Variants in DCDC1 observed in about 807,000 individuals in gnomAD.
DCDC1 encodes doublecortin domain containing 1, also known as doublecortin domain-containing protein 1.
In DCDC1, 200 loss-of-function variants were observed where a neutral mutation model predicts 178.3. That is an observed-to-expected ratio of 1.12 (90% CI 1.00 to 1.26). The LOEUF (loss-of-function observed/expected upper bound fraction) is 1.26, where lower values mean the gene tolerates loss of function less well. Ranked by LOEUF, DCDC1 falls within the 50% of genes most tolerant of loss-of-function variation. DCDC1 has a pLI of 0.00. For synonymous variants in DCDC1, 690 were observed against 604.8 expected, an observed-to-expected ratio of 1.14 and a Z score of -2.07; for missense variants, 1,983 against 1,749.2, an observed-to-expected ratio of 1.13 and a Z score of -2.38.
At chr11:31,248,987 A>G (rs886200625) in intron 8 of DCDC1, among the ~76,000 whole-genome samples, 1 of 152,138 alleles carries the variant, frequency 6.6e-6, no homozygotes, top group African/African-American at 2.4e-5. Flanking sequence ...TTCATAATAA[A>G]CTTCTGGGAT....
At chr11:31,145,370 G>A (rs1360515188) in intron 9 of DCDC1, among the ~76,000 whole-genome samples, 2 of 152,150 alleles carry the variant, frequency 1.3e-5, no homozygotes, top group African/African-American at 2.4e-5. Flanking sequence ...AGATAGGAAC[G>A]AGTGCGTTGA....
At chr11:30,946,224 T>C (rs1278026336) in intron 21 of DCDC1, among the ~76,000 whole-genome samples, 2 of 152,176 alleles carry the variant, frequency 1.3e-5, no homozygotes, top group Non-Finnish European at 2.9e-5. Flanking sequence ...TGGCACCTGC[T>C]TACCACCAGC....
rs1565030639 is a variant in DCDC1 at position 30,888,163 on chromosome 11, G to GA, written c.5082+4654_5082+4655insT. On this transcript the variant is annotated intron_variant, in intron 36 of 38. Transcript: ENST00000684477. ...GAAAGAAAGAAAGAAAGAAAGAAAG[G>GA]GAAAGAAAGAAAGAGAAAGGAAGGA... Among the ~76,000 whole-genome samples, 20 of 97,974 alleles carry GA rather than the reference G, an allele frequency of 2.0e-4. 1 individual carries two copies. Among genetic ancestry groups the GA allele is most frequent in the African/African-American group, 8.2e-4 (19 of 23,132 alleles). 64.3% of individuals were successfully genotyped at this position (97,974 alleles called of 152,430 possible).
intron 18 of DCDC1, among the ~76,000 whole-genome samples, chr11:31,066,267 T>A (rs1294370069): frequency 6.6e-6 from 1 of 152,174 alleles, no homozygotes; most frequent in East Asian, 1.9e-4. Flanking sequence ...ATTTCCCACA[T>A]AACAATAAAT....
In DCDC1 at chr11:31,290,629, T is replaced by C; in HGVS notation, c.960+18A>G. The C allele has an allele frequency of 6.3e-7, 1 of 1,589,792 alleles. No individual in the cohort carries two copies. The highest frequency in any genetic ancestry group is 8.5e-7 in the Non-Finnish European group (1 of 1,170,836). On this transcript the variant is annotated intron_variant, in intron 7 of 38. Transcript: ENST00000684477. ...CTTTGAAATTAAATTCATAGTTCAA[T>C]ATTTAATTAAAAATTACCTTTTTCA...
At chr11:31,355,507 T>G (rs934111152) in intron 1 of DCDC1, among the ~76,000 whole-genome samples, 26 of 152,122 alleles carry the variant, frequency 1.7e-4, no homozygotes, top group African/African-American at 6.0e-4. Flanking sequence ...AAATAATAAT[T>G]TAGATATCTT....
Position 31,328,245 on chromosome 11 carries a change from T to C in DCDC1, c.36A>G (p.Ala12=). 6.3e-7 allele frequency: 1 copy of C among 1,595,038 alleles called. No homozygotes were observed. The highest frequency in any genetic ancestry group is 8.6e-7 in the Non-Finnish European group (1 of 1,167,966). ...AKTGAEDHRE[A]LSQSSLSLLT... is the part of the protein sequence containing the mutation. ...AGAGGGATAAGGAAGACTGAGATAGTGCTTCTCTGTGATCTTCTGCTCCTG... is the reference window on the plus strand; with the variant it reads ...AGAGGGATAAGGAAGACTGAGATAGCGCTTCTCTGTGATCTTCTGCTCCTG... Residue 12 remains alanine, a synonymous_variant, in exon 3 of 39, where the codon GCA becomes GCG. Transcript: ENST00000684477.
At chr11:31,022,440 T>C (rs1952935244) in intron 20 of DCDC1, among the ~76,000 whole-genome samples, 1 of 152,106 alleles carries the variant, frequency 6.6e-6, no homozygotes, top group Admixed American at 6.6e-5. Context: ...CATCTTAAAT[T>C]GATTATATCT....
Position 30,920,779 on chromosome 11 carries a change from A to G in DCDC1, c.3290T>C (p.Ile1097Thr). The change falls in exon 25 of 39, where the codon ATT becomes ACT. Residue 1097 changes from isoleucine (I) to threonine (T), a missense_variant. Physicochemically the swap from Ile to Thr is moderately conservative, Grantham distance 89. Transcript: ENST00000684477. The part of the protein sequence containing the change: ...PLTTENASSE[I>T]LDSHVRAHLR... ...TCAGGCTACACTGATTACTTACAGAATTTCACTGGAAGCATTTTCCGTTGT... is the reference window on the plus strand; with the variant it reads ...TCAGGCTACACTGATTACTTACAGAGTTTCACTGGAAGCATTTTCCGTTGT... The G allele has an allele frequency of 6.2e-7, 1 of 1,613,370 alleles. No individual in the cohort carries two copies. The highest frequency in any genetic ancestry group is 8.5e-7 in the Non-Finnish European group (1 of 1,179,614).
At chr11:31,048,771 G>A (rs1331258350) in intron 20 of DCDC1, among the ~76,000 whole-genome samples, 3 of 152,108 alleles carry the variant, frequency 2.0e-5, no homozygotes, top group African/African-American at 2.4e-5. Flanking sequence ...GCAGGAGAAC[G>A]GCGTGAACCC....
chr11:30,895,823 C>T (rs536648924), intron 34 of DCDC1, among the ~76,000 whole-genome samples: 2 of 152,130 alleles, frequency 1.3e-5, no homozygotes, highest in African/African-American at 2.4e-5. Context: ...AGTTTTTACC[C>T]AACTCTATTT....
At chr11:31,241,108 C>G (rs912063856) in intron 9 of DCDC1, among the ~76,000 whole-genome samples, 1 of 151,928 alleles carries the variant, frequency 6.6e-6, no homozygotes, top group Non-Finnish European at 1.5e-5. Context: ...AAATAGAATG[C>G]TAAACATTTC....
At chr11:31,146,091 GAGA>G (rs777207044) in intron 9 of DCDC1, among the ~76,000 whole-genome samples, 2 of 64,398 alleles carry the variant, frequency 3.1e-5, no homozygotes, top group African/African-American at 5.7e-5. Flanking sequence ...TTTTTTTTTT[GAGA>G]AGGAGTCTCG....
intron 2 of DCDC1, among the ~76,000 whole-genome samples, chr11:31,332,517 G>A (rs1024745924): frequency 6.6e-6 from 1 of 152,120 alleles, no homozygotes; most frequent in African/African-American, 2.4e-5. Context: ...TGGGCATTTA[G>A]TGCTATAAAT....
chr11:30,878,588 T>C lies in DCDC1; in HGVS notation c.5357A>G (p.Asn1786Ser), dbSNP rs551131216. ...ATCCGATGGTTCTGATAGGAGTTAA[T>C]TGTGGAGATGTGCCAGAGACAGCAG... The part of the protein sequence containing the change: ...TKLLSLAHLH[N>S] The change falls in exon 38 of 39, where the codon AAT becomes AGT. Residue 1786 changes from asparagine to serine, a missense_variant. Asn to Ser is a conservative substitution (Grantham distance 46). Transcript: ENST00000684477. The C allele has an allele frequency of 2.1e-5, 33 of 1,600,438 alleles. No homozygotes were observed. The African/African-American group carries it at 3.7e-4, about 18-fold the overall frequency.
At chr11:31,261,741 G>A (rs537955355) in intron 8 of DCDC1, among the ~76,000 whole-genome samples, 1 of 152,246 alleles carries the variant, frequency 6.6e-6, no homozygotes, top group Admixed American at 6.5e-5. Flanking sequence ...AACTGTATAT[G>A]TACCAGCATG....
chr11:31,278,685 AT>A (rs1197269493), intron 7 of DCDC1, among the ~76,000 whole-genome samples: 2 of 152,318 alleles, frequency 1.3e-5, no homozygotes, highest in South Asian at 2.1e-4. Context: ...TGACAAAAAA[AT>A]GATAAGTATC....
intron 6 of DCDC1, among the ~76,000 whole-genome samples, chr11:31,302,361 T>G (rs1210982321): frequency 1.3e-5 from 2 of 152,096 alleles, no homozygotes; most frequent in Non-Finnish European, 2.9e-5. Context: ...AAACTGTGAA[T>G]AAAACCTAAA....
rs1287502923 is a variant in DCDC1, at chr11:31,110,323, A to G, written c.1524T>C (p.Val508=). Residue 508 remains valine, a synonymous_variant, in exon 12 of 39, where the codon GTT becomes GTC. Coordinates refer to ENST00000684477, the MANE Select transcript of DCDC1 (RefSeq NM_001387274.1). ...ATCCCAAATCTTTTTTACTGATACC[A>G]ACAGAGATCTCTCCAGTGTTTTTAC... is the stretch of plus-strand genomic sequence containing the variant. The part of the protein sequence containing the change: ...ENGKNTGEIS[V]GISKKDLGSD... The G allele has an allele frequency of 2.8e-6, 2 of 709,056 alleles. No homozygotes were observed. Among genetic ancestry groups the G allele is most frequent in the Admixed American group, 2.0e-5 (1 of 50,708 alleles). The allele number at this position is 709,056 out of a possible 1,614,324, so 43.9% of individuals were successfully genotyped here.
Sources: gnomAD v4.1 joint callset for allele counts (sites outside exome capture counted in the v4.1 genomes callset) on GRCh38, gnomAD v4.1.1 for gene constraint, MANE v1.5 for transcripts, NCBI Gene and HGNC (gene_info 2026-07-23, HGNC 2026-07-21) for gene names.